NCAM2: variants seen among roughly 807,000 people sequenced by gnomAD.
NCAM2 encodes N-CAM-2.
In NCAM2, 30 loss-of-function variants were observed where a neutral mutation model predicts 98.1. The observed-to-expected ratio is 0.31, with a 90% confidence interval of 0.23 to 0.41. The LOEUF (loss-of-function observed/expected upper bound fraction) is 0.41, where lower values mean the gene tolerates loss of function less well. Among genes scored for constraint, NCAM2 ranks in the 10% least tolerant of loss-of-function variants. The pLI, the probability that NCAM2 is intolerant of heterozygous loss-of-function variation, is 1.00. For missense variants in NCAM2, 867 were observed against 1,005.8 expected (o/e 0.86, Z 1.87); for synonymous variants, 368 against 342.4 (o/e 1.07, Z -0.83).
intron 1 of NCAM2, among the ~76,000 whole-genome samples, chr21:21,115,983 GTGTGTGTGTC>G (rs772510803): frequency 9.8e-4 from 101 of 103,340 alleles, no homozygotes; most frequent in Admixed American, 5.3e-3. Flanking sequence ...GTGTGTGTGT[GTGTGTGTGTC>G]TGTCTGTCTT....
chr21:21,151,158 A>G (rs2067437510), intron 1 of NCAM2, among the ~76,000 whole-genome samples: 1 of 151,988 alleles, frequency 6.6e-6, no homozygotes, highest in South Asian at 2.1e-4. Flanking sequence ...TTTATTACCT[A>G]TTTTGAATGT....
chr21:21,326,625 T>G (rs991549517), intron 6 of NCAM2, among the ~76,000 whole-genome samples: 4 of 152,186 alleles, frequency 2.6e-5, no homozygotes, highest in Admixed American at 6.5e-5. Flanking sequence ...AATAGTATTA[T>G]ATAGACTAGT....
chr21:21,088,209 A>G (rs2065940645), intron 1 of NCAM2, among the ~76,000 whole-genome samples: 1 of 152,232 alleles, frequency 6.6e-6, no homozygotes. Flanking sequence ...TGCTAAATCT[A>G]GATCACTTTA....
intron 1 of NCAM2, among the ~76,000 whole-genome samples, chr21:21,047,335 C>G (rs1329298502): frequency 6.6e-6 from 1 of 152,108 alleles, no homozygotes; most frequent in Non-Finnish European, 1.5e-5. Context: ...ACTGGTTTTG[C>G]TAATGGGTTG....
At chr21:21,215,176 G>A (rs949425602) in intron 1 of NCAM2, among the ~76,000 whole-genome samples, 8 of 151,990 alleles carry the variant, frequency 5.3e-5, no homozygotes, top group African/African-American at 1.7e-4. Flanking sequence ...CCCATGACTA[G>A]TGAAGTTATA....
intron 1 of NCAM2, among the ~76,000 whole-genome samples, chr21:21,128,765 C>T (rs935962724): frequency 3.9e-5 from 6 of 151,906 alleles, no homozygotes; most frequent in South Asian, 2.1e-4. Flanking sequence ...AATTATTTGA[C>T]GTCAGATAAT....
At chr21:20,998,641 C>CA (rs760761019) in intron 1 of NCAM2, 23 bp downstream of exon 1, 9 of 1,611,132 alleles carry the variant, frequency 5.6e-6, no homozygotes, top group Non-Finnish European at 7.6e-6. Context: ...CGCTTTATTG[C>CA]ATTTACTTTC....
At chr21:21,534,275 T>G (rs1989866555) in intron 16 of NCAM2, among the ~76,000 whole-genome samples, 1 of 152,100 alleles carries the variant, frequency 6.6e-6, no homozygotes, top group South Asian at 2.1e-4. Flanking sequence ...TTTTAAAATG[T>G]GTACCAATTT....
intron 1 of NCAM2, among the ~76,000 whole-genome samples, chr21:21,169,690 G>A (rs992383523): frequency 2.0e-5 from 3 of 152,078 alleles, no homozygotes; most frequent in African/African-American, 7.2e-5. Context: ...GGCTCATGCC[G>A]GTAATCCCAG....
At chr21:21,389,046 C>G (rs944121166) in intron 9 of NCAM2, among the ~76,000 whole-genome samples, 1 of 152,164 alleles carries the variant, frequency 6.6e-6, no homozygotes, top group African/African-American at 2.4e-5. Flanking sequence ...TCACTTCAAA[C>G]AGTTATCATT....
chr21:21,523,239 A>G (rs1448528556), intron 16 of NCAM2, among the ~76,000 whole-genome samples: 2 of 151,998 alleles, frequency 1.3e-5, no homozygotes, highest in Non-Finnish European at 2.9e-5. Context: ...TGTGCTCTTG[A>G]GGTCTTACTC....
In NCAM2 at chr21:21,458,555, C is replaced by T. The variant is rs149409244; in HGVS notation, c.1655-8051C>T. Among the ~76,000 whole-genome samples the T allele has an allele frequency of 9.3e-3, 1,413 of 152,308 alleles. 17 individuals are homozygous for T. Among genetic ancestry groups the T allele is most frequent in the African/African-American group, 0.032 (1,349 of 41,556 alleles). Reference sequence around the variant, plus strand: ...TTATTAGATAGACCTCAGAGAGCTGCTTTGCCCCTTCTGCAATGTGAGGAA... The same window carrying T: ...TTATTAGATAGACCTCAGAGAGCTGTTTTGCCCCTTCTGCAATGTGAGGAA... On this transcript the variant is annotated intron_variant, in intron 12 of 17. Coordinates refer to ENST00000400546, the MANE Select transcript of NCAM2 (RefSeq NM_004540.5).
intron 1 of NCAM2, among the ~76,000 whole-genome samples, chr21:21,273,000 C>T (rs1487858919): frequency 6.6e-6 from 1 of 150,434 alleles, no homozygotes; most frequent in African/African-American, 2.4e-5. Context: ...CACACACACA[C>T]ACACACACAA....
At chr21:21,049,251 C>T (rs943512560) in intron 1 of NCAM2, among the ~76,000 whole-genome samples, 20 of 150,822 alleles carry the variant, frequency 1.3e-4, no homozygotes, top group African/African-American at 4.6e-4. Context: ...GATCTCCTGA[C>T]CTCATGATCC....
chr21:21,522,471 G>A (rs1310431223), intron 16 of NCAM2, among the ~76,000 whole-genome samples: 6 of 151,134 alleles, frequency 4.0e-5, no homozygotes, highest in South Asian at 4.2e-4. Flanking sequence ...AGAAAACCCC[G>A]CTAGTATAGA....
At chr21:21,135,575 T>G (rs909825909) in intron 1 of NCAM2, among the ~76,000 whole-genome samples, 1 of 152,196 alleles carries the variant, frequency 6.6e-6, no homozygotes, top group African/African-American at 2.4e-5. Flanking sequence ...CTCGAAGCTC[T>G]TCTCAGTTTT....
At chr21:21,110,937 A>G (rs1171511063) in intron 1 of NCAM2, among the ~76,000 whole-genome samples, 1 of 152,090 alleles carries the variant, frequency 6.6e-6, no homozygotes, top group Non-Finnish European at 1.5e-5. Context: ...GTGTTTTTTA[A>G]TAACAATAAT....
chr21:21,076,096 G>A (rs1364670861), intron 1 of NCAM2, among the ~76,000 whole-genome samples: 4 of 145,982 alleles, frequency 2.7e-5, no homozygotes, highest in African/African-American at 7.8e-5. Flanking sequence ...GAGCCTGAGC[G>A]ACAGAGTGAG....
At position 21,255,187 on chromosome 21, in the gene NCAM2, G is replaced by C. The variant is rs149329566; in HGVS notation, c.56-25391G>C. Among the ~76,000 whole-genome samples, 266 of 152,186 alleles carry C rather than the reference G, an allele frequency of 1.7e-3. 2 individuals are homozygous for C. Among genetic ancestry groups the C allele is most frequent in the African/African-American group, 6.2e-3 (258 of 41,510 alleles). ...CTTTATGTCTTGTAGGACTGTCTGT[G>C]GTCTTAGCACTGGATCAGAGTTATC... is the stretch of plus-strand genomic sequence containing the variant. On this transcript the variant is annotated intron_variant, in intron 1 of 17. Transcript: ENST00000400546.
Sources: gnomAD v4.1 joint callset for allele counts (sites outside exome capture counted in the v4.1 genomes callset) on GRCh38, gnomAD v4.1.1 for gene constraint, MANE v1.5 for transcripts, NCBI Gene and HGNC (gene_info 2026-07-23, HGNC 2026-07-21) for gene names.